PCDH15: variants seen among roughly 807,000 people sequenced by gnomAD.
The protein encoded by PCDH15 is protocadherin related 15, also known as protocadherin-15.
Under a neutral mutation model 178.5 loss-of-function variants are expected in PCDH15, and 129 were observed. That is an observed-to-expected ratio of 0.72 (90% CI 0.63 to 0.84). The LOEUF is 0.84. Ranked by LOEUF, PCDH15 falls within the 40% of genes least tolerant of loss-of-function variation. The pLI, the probability that PCDH15 is intolerant of heterozygous loss-of-function variation, is 0.00. For synonymous variants in PCDH15, 800 were observed against 732.0 expected (o/e 1.09, Z -1.50); for missense variants, 2,230 against 2,099.9 (o/e 1.06, Z -1.21).
chr10:53,945,840 T>C (rs4935477), intron 23 of PCDH15, among the ~76,000 whole-genome samples: 1,798 of 7,326 alleles, frequency 0.25, 35 homozygotes, highest in East Asian at 0.48. Flanking sequence ...TTTCATTGTA[T>C]ATATATATAT....
At chr10:54,708,660 T>G (rs1381258518) in intron 1 of PCDH15, among the ~76,000 whole-genome samples, 1 of 152,128 alleles carries the variant, frequency 6.6e-6, no homozygotes, top group Non-Finnish European at 1.5e-5. Context: ...TCAGCTTTTA[T>G]TTTACTTAAT....
At chr10:54,118,497 A>G (rs2095155918) in intron 15 of PCDH15, among the ~76,000 whole-genome samples, 1 of 152,028 alleles carries the variant, frequency 6.6e-6, no homozygotes, top group Non-Finnish European at 1.5e-5. Flanking sequence ...CGTCTCTACT[A>G]AAAATACAAA....
Position 55,234,546 on chromosome 10 carries a change from G to C in PCDH15, c.-155-67895C>G, listed in dbSNP as rs900905776. ...AGCCTCCCAACTAATTTTTTTGGTT[G>C]GGTGGATTTCTTTTTGTAGAAATGG... is the stretch of plus-strand genomic sequence containing the variant. On this transcript the variant is annotated intron_variant, in intron 1 of 5. Transcript: ENST00000458638. Among the ~76,000 whole-genome samples, 53 of 151,558 alleles carry C rather than the reference G, an allele frequency of 3.5e-4. 1 individual carries two copies. Among genetic ancestry groups the C allele is most frequent in the Non-Finnish European group, 8.8e-5 (6 of 67,928 alleles).
At chr10:54,038,852 T>C (rs2093476949) in intron 18 of PCDH15, among the ~76,000 whole-genome samples, 1 of 151,998 alleles carries the variant, frequency 6.6e-6, no homozygotes, top group Non-Finnish European at 1.5e-5. Context: ...TACACACATA[T>C]ATTAAATTAT....
intron 2 of PCDH15, among the ~76,000 whole-genome samples, chr10:55,065,111 G>A (rs1388030789): frequency 2.0e-5 from 3 of 151,948 alleles, no homozygotes; most frequent in Non-Finnish European, 4.4e-5. Flanking sequence ...ACACAAATAA[G>A]AATCACAATT....
intron 5 of PCDH15, among the ~76,000 whole-genome samples, chr10:54,350,120 T>C (rs1264633209): frequency 6.6e-6 from 1 of 152,204 alleles, no homozygotes; most frequent in African/African-American, 2.4e-5. Context: ...AATTTTAAGG[T>C]CTTTTTTAGA....
intron 2 of PCDH15, among the ~76,000 whole-genome samples, chr10:54,999,435 G>A (rs190713331): frequency 2.0e-5 from 3 of 152,286 alleles, no homozygotes; most frequent in Admixed American, 2.0e-4. Flanking sequence ...AATTTGAGTT[G>A]GTTTTTGATC....
At chr10:53,855,579 CAT>C (rs2078668994) in intron 28 of PCDH15, among the ~76,000 whole-genome samples, 4 of 151,980 alleles carry the variant, frequency 2.6e-5, no homozygotes. Flanking sequence ...GGGAAAATCA[CAT>C]ATGCTTTAAT....
At chr10:54,756,951 T>C (rs1947212836) in intron 1 of PCDH15, among the ~76,000 whole-genome samples, 2 of 152,190 alleles carry the variant, frequency 1.3e-5, no homozygotes, top group Non-Finnish European at 1.5e-5. Context: ...TGATTAGTAT[T>C]TGGACTTCCT....
intron 3 of PCDH15, among the ~76,000 whole-genome samples, chr10:54,492,150 G>A (rs901532392): frequency 1.3e-5 from 2 of 152,138 alleles, no homozygotes; most frequent in Admixed American, 1.3e-4. Context: ...ATTCCAAGTA[G>A]TAGCTTAAAA....
intron 3 of PCDH15, among the ~76,000 whole-genome samples, chr10:54,458,835 C>G (rs1320032398): frequency 6.6e-6 from 1 of 152,124 alleles, no homozygotes; most frequent in Non-Finnish European, 1.5e-5. Flanking sequence ...TGACCTTGAG[C>G]AAGTTACTTA....
At chr10:54,010,964 C>T (rs2092562149) in intron 20 of PCDH15, among the ~76,000 whole-genome samples, 1 of 152,140 alleles carries the variant, frequency 6.6e-6, no homozygotes, top group South Asian at 2.1e-4. Context: ...CCCTGCTGCC[C>T]TTGGACTGGA....
intron 1 of PCDH15, among the ~76,000 whole-genome samples, chr10:54,669,259 A>G (rs1046148437): frequency 2.0e-5 from 3 of 151,952 alleles, no homozygotes; most frequent in African/African-American, 7.2e-5. Context: ...TGTAATATGA[A>G]GTTTAGGAAA....
intron 2 of PCDH15, among the ~76,000 whole-genome samples, chr10:54,621,716 G>T (rs976622774): frequency 5.9e-5 from 9 of 151,610 alleles, no homozygotes; most frequent in Non-Finnish European, 1.3e-4. Context: ...ATTTTTCTCC[G>T]CACAATCTCA....
At chr10:54,714,479 C>G (rs2095457226) in intron 1 of PCDH15, among the ~76,000 whole-genome samples, 1 of 152,146 alleles carries the variant, frequency 6.6e-6, no homozygotes. Context: ...TTCAACAAAA[C>G]TGTTTTGTAA....
intron 23 of PCDH15, among the ~76,000 whole-genome samples, chr10:53,951,863 T>G (rs1363464643): frequency 9.2e-5 from 14 of 151,976 alleles, no homozygotes; most frequent in Non-Finnish European, 2.1e-4. Flanking sequence ...TGAGAGTGAG[T>G]GTGGGGTCCA....
At chr10:55,582,555 G>T (rs1407099146) in intron 2 of PCDH15, among the ~76,000 whole-genome samples, 6 of 141,372 alleles carry the variant, frequency 4.2e-5, no homozygotes, top group Non-Finnish European at 6.1e-5. Context: ...AAAAATAGTG[G>T]TTGATCTGAA....
chr10:55,292,705 G>A (rs1277924395), intron 1 of PCDH15, among the ~76,000 whole-genome samples: 8 of 152,106 alleles, frequency 5.3e-5, no homozygotes, highest in African/African-American at 1.4e-4. Context: ...CTTAAAGCTC[G>A]AAAATGATCT....
intron 3 of PCDH15, among the ~76,000 whole-genome samples, chr10:54,427,268 GGTT>G (rs1164765380): frequency 1.0e-5 from 1 of 100,290 alleles, no homozygotes; most frequent in African/African-American, 4.5e-5. Flanking sequence ...CTCTTTTTCT[GGTT>G]TTTTTTTTTT....
Sources: gnomAD v4.1 joint callset for allele counts (sites outside exome capture counted in the v4.1 genomes callset) on GRCh38, gnomAD v4.1.1 for gene constraint, MANE v1.5 for transcripts, NCBI Gene and HGNC (gene_info 2026-07-23, HGNC 2026-07-21) for gene names.